Variants in CDH13 observed in about 807,000 individuals in gnomAD.
CDH13 encodes the protein cadherin-13.
CDH13 carries 24 observed loss-of-function variants against 63.8 expected under a neutral mutation model. The ratio of observed to expected loss-of-function variants is 0.38; its 90% CI spans 0.27 to 0.53. The LOEUF (loss-of-function observed/expected upper bound fraction) is 0.53, where lower values mean the gene tolerates loss of function less well. Among genes scored for constraint, CDH13 ranks in the 20% least tolerant of loss-of-function variants. CDH13 has a pLI of 0.85. For missense variants in CDH13, 1,049 were observed against 903.1 expected (o/e 1.16, Z -2.07); for synonymous variants, 503 against 355.3 (o/e 1.42, Z -4.67).
chr16:83,229,794 T>C (rs1314101257), intron 5 of CDH13, among the ~76,000 whole-genome samples: 1 of 152,182 alleles, frequency 6.6e-6, no homozygotes, highest in Admixed American at 6.5e-5. Context: ...TCTTATATTC[T>C]TTAACTCAGG....
chr16:83,068,335 A>G (rs1283607542), intron 3 of CDH13, among the ~76,000 whole-genome samples: 1 of 152,172 alleles, frequency 6.6e-6, no homozygotes, highest in African/African-American at 2.4e-5. Context: ...ACTGAGGCTT[A>G]TGGAGGAAAA....
intron 1 of CDH13, among the ~76,000 whole-genome samples, chr16:82,682,156 A>G (rs548644055): frequency 6.6e-6 from 1 of 152,330 alleles, no homozygotes; most frequent in East Asian, 1.9e-4. Context: ...TCCCAATGAT[A>G]AGACTGCCTT....
At chr16:83,509,865 G>A (rs768750582) in intron 7 of CDH13, among the ~76,000 whole-genome samples, 4 of 152,182 alleles carry the variant, frequency 2.6e-5, no homozygotes, top group African/African-American at 4.8e-5. Context: ...GCACACACGA[G>A]GAGTAAATTA....
rs1567573805 is a variant in CDH13, at chr16:83,753,969, G to C, written c.1681+5719G>C. Among the ~76,000 whole-genome samples, 5 of 151,546 alleles carry C rather than the reference G, an allele frequency of 3.3e-5. No homozygotes were observed. In the South Asian group the frequency reaches 1.0e-3, roughly 32 times the overall value. On this transcript the variant is annotated intron_variant, in intron 11 of 13. Coordinates refer to ENST00000567109, the MANE Select transcript of CDH13 (RefSeq NM_001257.5). ...AGAAAACCTTTTTTTTTCTCTGGGT[G>C]CATTTTCTGATTCTAGGTGAGAGTC...
At chr16:83,550,127 T>G (rs1004583159) in intron 7 of CDH13, among the ~76,000 whole-genome samples, 3 of 152,242 alleles carry the variant, frequency 2.0e-5, no homozygotes, top group Non-Finnish European at 4.4e-5. Flanking sequence ...GACTGCAGGA[T>G]GCACTTTGCC....
At chr16:83,547,278 T>C (rs2075403323) in intron 7 of CDH13, among the ~76,000 whole-genome samples, 1 of 152,242 alleles carries the variant, frequency 6.6e-6, no homozygotes, top group South Asian at 2.1e-4. Flanking sequence ...CCCAGGAACC[T>C]GGATAAGTGG....
chr16:83,101,518 C>T (rs980037413), intron 3 of CDH13, among the ~76,000 whole-genome samples: 11 of 151,388 alleles, frequency 7.3e-5, no homozygotes, highest in Admixed American at 2.0e-4. Context: ...AGAGGCTGGG[C>T]GTGGTGGCTA....
intron 8 of CDH13, among the ~76,000 whole-genome samples, chr16:83,663,934 A>C (rs1913687430): frequency 6.6e-6 from 1 of 151,962 alleles, no homozygotes. Context: ...CCAAGGCAGG[A>C]AGATCACTTG....
chr16:83,604,415 C>T (rs756256847), intron 8 of CDH13, among the ~76,000 whole-genome samples: 10 of 152,116 alleles, frequency 6.6e-5, no homozygotes, highest in South Asian at 2.1e-4. Context: ...ACAAAAATTA[C>T]ACCACCGGGG....
chr16:82,869,147 A>G (rs1342040225), intron 2 of CDH13, among the ~76,000 whole-genome samples: 1 of 152,146 alleles, frequency 6.6e-6, no homozygotes, highest in Non-Finnish European at 1.5e-5. Flanking sequence ...CCTGGGTTCA[A>G]GCTATTCTCA....
intron 1 of CDH13, among the ~76,000 whole-genome samples, chr16:82,651,345 C>G (rs1042916860): frequency 6.6e-6 from 1 of 152,192 alleles, no homozygotes; most frequent in Non-Finnish European, 1.5e-5. Context: ...AGGGCACACA[C>G]ACATATACCA....
chr16:83,120,666 C>T (rs141709443), intron 3 of CDH13, among the ~76,000 whole-genome samples: 3 of 151,754 alleles, frequency 2.0e-5, no homozygotes, highest in Non-Finnish European at 2.9e-5. Flanking sequence ...ATATATTTTA[C>T]GTATTTCCTA....
intron 6 of CDH13, among the ~76,000 whole-genome samples, chr16:83,354,142 G>C (rs542725231): frequency 1.3e-5 from 2 of 152,168 alleles, no homozygotes; most frequent in East Asian, 3.9e-4. Context: ...AATTGGTGAC[G>C]GTTGAGCAGC....
intron 4 of CDH13, among the ~76,000 whole-genome samples, chr16:83,126,791 T>C (rs1329308857): frequency 6.6e-6 from 1 of 152,190 alleles, no homozygotes; most frequent in African/African-American, 2.4e-5. Flanking sequence ...ATTCATTAAA[T>C]ACACAGTACA....
intron 11 of CDH13, among the ~76,000 whole-genome samples, chr16:83,774,836 G>A (rs930115323): frequency 5.3e-5 from 8 of 152,208 alleles, no homozygotes; most frequent in African/African-American, 1.9e-4. Flanking sequence ...TTTGCATGGT[G>A]AGAAAGTTCT....
At chr16:82,960,849 C>G (rs190641718) in intron 2 of CDH13, among the ~76,000 whole-genome samples, 167 of 152,060 alleles carry the variant, frequency 1.1e-3, no homozygotes, top group Non-Finnish European at 1.9e-3. Flanking sequence ...ACAAATAAGT[C>G]TATTGTGATT....
intron 3 of CDH13, among the ~76,000 whole-genome samples, chr16:83,106,201 C>G (rs1013704756): frequency 2.0e-5 from 3 of 152,342 alleles, no homozygotes; most frequent in South Asian, 2.1e-4. Context: ...TACAACGTCA[C>G]TTTATTTGCC....
At chr16:82,733,817 A>G (rs1157883940) in intron 1 of CDH13, among the ~76,000 whole-genome samples, 3 of 152,260 alleles carry the variant, frequency 2.0e-5, no homozygotes, top group Non-Finnish European at 1.5e-5. Context: ...AAAACTGGAT[A>G]AAATACCCAG....
intron 9 of CDH13, 74 bp from the exon 10 acceptor site, chr16:83,678,134 C>G (rs557609894): frequency 6.6e-7 from 1 of 1,510,262 alleles, no homozygotes; most frequent in Admixed American, 1.8e-5. Context: ...CGTGGAATTT[C>G]AGAGGAAGTT....
Sources: allele counts gnomAD v4.1 joint callset (sites outside exome capture counted in the v4.1 genomes callset), GRCh38; gene constraint gnomAD v4.1.1; transcripts MANE v1.5; gene names NCBI Gene and HGNC (gene_info 2026-07-23, HGNC 2026-07-21).